Variants in IQSEC1 observed in about 807,000 individuals in gnomAD.
IQSEC1 encodes IQ motif and Sec7 domain ArfGEF 1.
In IQSEC1, 31 loss-of-function variants were observed where a neutral mutation model predicts 91.0. The ratio of observed to expected loss-of-function variants is 0.34; its 90% CI spans 0.26 to 0.46. The LOEUF (loss-of-function observed/expected upper bound fraction) is 0.46. Ranked by LOEUF, IQSEC1 falls within the 20% of genes least tolerant of loss-of-function variation. The pLI is 1.00. For missense variants in IQSEC1, 1,388 were observed against 1,575.6 expected (o/e 0.88, Z 2.02); for synonymous variants, 699 against 662.6 (o/e 1.05, Z -0.84).
chr3:13,252,162 A>C (rs1204032166), intron 1 of IQSEC1, among the ~76,000 whole-genome samples: 3 of 152,114 alleles, frequency 2.0e-5, no homozygotes, highest in Non-Finnish European at 4.4e-5. Flanking sequence ...TCATCCTCCC[A>C]AATTGAAACT....
At chr3:13,180,501 A>G (rs112269509) in intron 1 of IQSEC1, among the ~76,000 whole-genome samples, 9,727 of 151,916 alleles carry the variant, frequency 0.064, 986 homozygotes, top group African/African-American at 0.21. Context: ...AGACCAATCA[A>G]CAGGATGTGG....
Position 12,899,082 on chromosome 3 carries a change from T to C in IQSEC1, c.*1901A>G, listed in dbSNP as rs1372847923. 2.2e-6 allele frequency: 1 copy of C among 449,388 alleles called. No homozygotes were observed. The allele number at this position is 449,388 out of a possible 1,614,324, so 27.8% of individuals were successfully genotyped here. ...AAAAAGGCTAAACTCTAGATTGCTG[T>C]ATTTGCTCTCTCTGGAGATTAACAA... On this transcript the variant is annotated 3_prime_UTR_variant, in exon 14 of 14. Transcript: ENST00000613206.
intron 7 of IQSEC1, 26 bp from the exon 8 acceptor site, chr3:12,915,159 A>AAGGG (rs751432325): frequency 6.2e-7 from 1 of 1,604,364 alleles, no homozygotes; most frequent in Admixed American, 1.7e-5. Context: ...AAACCAACAA[A>AAGGG]AGGGTGTTCA....
At chr3:13,029,098 A>G (rs559705632) in intron 1 of IQSEC1, among the ~76,000 whole-genome samples, 1 of 152,356 alleles carries the variant, frequency 6.6e-6, no homozygotes, top group Admixed American at 6.5e-5. Flanking sequence ...AAGATCACGA[A>G]TATATAGCAA....
intron 1 of IQSEC1, among the ~76,000 whole-genome samples, chr3:13,234,746 C>T (rs1179532282): frequency 1.3e-5 from 2 of 152,184 alleles, no homozygotes; most frequent in South Asian, 2.1e-4. Context: ...TCACAACTCT[C>T]GGGTGTGACT....
intron 2 of IQSEC1, among the ~76,000 whole-genome samples, chr3:13,135,607 G>A (rs1047053111): frequency 4.6e-5 from 7 of 152,216 alleles, no homozygotes; most frequent in African/African-American, 1.4e-4. Flanking sequence ...GAGTCGGGAC[G>A]CAGCCCCAGA....
chr3:13,012,752 C>T lies in IQSEC1; in HGVS notation c.23+60240G>A, dbSNP rs1282580665. On this transcript the variant is annotated intron_variant, in intron 1 of 13. Coordinates refer to ENST00000613206, the MANE Select transcript of IQSEC1 (RefSeq NM_001134382.3). ...AATCCATATATGAACACTGCGATTC[C>T]GCCATTCCCGAAGCTAGTTACCCTC... 4.6e-5 allele frequency among the ~76,000 whole-genome samples: 7 copies of T among 152,272 alleles called. No homozygotes were observed. The East Asian group carries it at 9.7e-4, about 21-fold the overall frequency.
chr3:13,010,375 G>T (rs1051654734), intron 1 of IQSEC1, among the ~76,000 whole-genome samples: 2 of 152,182 alleles, frequency 1.3e-5, no homozygotes, highest in African/African-American at 4.8e-5. Context: ...ATCAGAGAGA[G>T]TAGTTCATCC....
At chr3:13,244,707 C>T (rs1695079435) in intron 1 of IQSEC1, among the ~76,000 whole-genome samples, 1 of 152,202 alleles carries the variant, frequency 6.6e-6, no homozygotes, top group Non-Finnish European at 1.5e-5. Context: ...CAAAGGAATC[C>T]TTTCAGCAGG....
At chr3:13,119,937 G>A (rs1372318938) in intron 2 of IQSEC1, among the ~76,000 whole-genome samples, 2 of 152,232 alleles carry the variant, frequency 1.3e-5, no homozygotes, top group East Asian at 1.9e-4. Context: ...AATCTCTGCA[G>A]TTCTCTGTAG....
chr3:13,249,708 G>C (rs574476749), intron 1 of IQSEC1, among the ~76,000 whole-genome samples: 1 of 152,278 alleles, frequency 6.6e-6, no homozygotes, highest in Non-Finnish European at 1.5e-5. Context: ...GAAAAACGAG[G>C]TGGGGGAGCC....
chr3:13,171,568 T>C (rs411262), intron 1 of IQSEC1, among the ~76,000 whole-genome samples: 1 of 152,200 alleles, frequency 6.6e-6, no homozygotes, highest in African/African-American at 2.4e-5. Context: ...CTCAGGGATG[T>C]TGTTATAAAT....
intron 1 of IQSEC1, among the ~76,000 whole-genome samples, chr3:13,270,432 C>T (rs1361890203): frequency 6.6e-6 from 1 of 152,178 alleles, no homozygotes; most frequent in Non-Finnish European, 1.5e-5. Context: ...CTTCAGGAAG[C>T]TTCTGGGCTG....
chr3:13,202,698 T>C (rs921157054), intron 1 of IQSEC1, among the ~76,000 whole-genome samples: 2 of 152,062 alleles, frequency 1.3e-5, no homozygotes, highest in African/African-American at 4.8e-5. Flanking sequence ...GTTCTGGAGA[T>C]AGATGATAGT....
intron 2 of IQSEC1, among the ~76,000 whole-genome samples, chr3:13,124,089 C>T (rs1254788437): frequency 6.6e-6 from 1 of 152,216 alleles, no homozygotes; most frequent in Non-Finnish European, 1.5e-5. Context: ...GCACCCTGAG[C>T]TAGCAACTGC....
chr3:13,252,693 C>A (rs1374555139), intron 1 of IQSEC1, among the ~76,000 whole-genome samples: 2 of 152,004 alleles, frequency 1.3e-5, no homozygotes, highest in African/African-American at 4.8e-5. Flanking sequence ...TCCACAACTT[C>A]ACCAACAGAC....
intron 2 of IQSEC1, among the ~76,000 whole-genome samples, chr3:13,106,861 T>C (rs1408223967): frequency 6.6e-6 from 1 of 152,214 alleles, no homozygotes; most frequent in African/African-American, 2.4e-5. Context: ...AACATACATT[T>C]TTCTATCCAA....
chr3:13,074,031 C>G (rs1193235404), upstream of IQSEC1, among the ~76,000 whole-genome samples: 2 of 152,242 alleles, frequency 1.3e-5, no homozygotes, highest in African/African-American at 4.8e-5. Flanking sequence ...TCCCGAGGAC[C>G]TTCCATGTGC....
chr3:12,985,840 G>A (rs796885306), intron 1 of IQSEC1, among the ~76,000 whole-genome samples: 1 of 152,298 alleles, frequency 6.6e-6, no homozygotes, highest in African/African-American at 2.4e-5. Flanking sequence ...TTCATCATGG[G>A]CCTGTATTTC....
Sources: allele counts gnomAD v4.1 joint callset (sites outside exome capture counted in the v4.1 genomes callset), GRCh38; gene constraint gnomAD v4.1.1; transcripts MANE v1.5; gene names NCBI Gene and HGNC (gene_info 2026-07-23, HGNC 2026-07-21).